DMC1: variants seen among roughly 807,000 people sequenced by gnomAD.
The protein encoded by DMC1 is DNA meiotic recombinase 1.
Under a neutral mutation model 50.1 loss-of-function variants are expected in DMC1, and 27 were observed. The observed-to-expected ratio is 0.54, with a 90% confidence interval of 0.40 to 0.74. DMC1 has a LOEUF of 0.74. DMC1 is among the 30% of genes least tolerant of loss of function. The pLI, the probability that DMC1 is intolerant of heterozygous loss-of-function variation, is 0.00. For synonymous variants in DMC1, 148 were observed against 136.1 expected, an observed-to-expected ratio of 1.09 and a Z score of -0.61; for missense variants, 295 against 420.2, an observed-to-expected ratio of 0.70 and a Z score of 2.60.
chr22:38,545,513 C>T (rs937260169), intron 8 of DMC1, among the ~76,000 whole-genome samples: 1 of 152,168 alleles, frequency 6.6e-6, no homozygotes, highest in Non-Finnish European at 1.5e-5. Flanking sequence ...AGCTCCGCCT[C>T]GCGGGTTCAC....
At chr22:38,509,893 C>T in the DMC1 span, among the ~76,000 whole-genome samples, 2 of 152,078 alleles carry the variant, frequency 1.3e-5, no homozygotes, top group South Asian at 4.1e-4. Context: ...TTTTGAACTC[C>T]TGACCTCAAG....
At chr22:38,511,819 T>C in the DMC1 span, among the ~76,000 whole-genome samples, 1 of 152,186 alleles carries the variant, frequency 6.6e-6, no homozygotes, top group Non-Finnish European at 1.5e-5. Flanking sequence ...TATTGATGTC[T>C]GGAACAAAAG....
intron 13 of DMC1, 134 bp downstream of exon 13, chr22:38,521,474 T>C (rs2090023247): frequency 1.6e-6 from 1 of 633,270 alleles, no homozygotes; most frequent in Admixed American, 2.2e-5. Context: ...GAGCCCAAGG[T>C]GGGAGGATTG....
intron 4 of DMC1, among the ~76,000 whole-genome samples, chr22:38,565,485 G>T (rs2090572017): frequency 6.6e-6 from 1 of 152,208 alleles, no homozygotes; most frequent in Non-Finnish European, 1.5e-5. Context: ...TGCATAAACT[G>T]CCCCTTAATT....
At chr22:38,563,580 G>A (rs1201572354) in intron 4 of DMC1, among the ~76,000 whole-genome samples, 1 of 152,034 alleles carries the variant, frequency 6.6e-6, no homozygotes, top group Non-Finnish European at 1.5e-5. Flanking sequence ...ACAACTGGGT[G>A]CAGTAGCTCA....
chr22:38,568,475 A>C (rs11570375), intron 1 of DMC1, 186 bp from the exon 2 acceptor site: 2 of 526,032 alleles, frequency 3.8e-6, no homozygotes, highest in African/African-American at 4.2e-5. Flanking sequence ...GTGTGTGTGC[A>C]TGTGTGTGTG....
intron 2 of DMC1, 66 bp from the exon 3 acceptor site, chr22:38,567,693 A>G: frequency 8.1e-7 from 1 of 1,241,118 alleles, no homozygotes; most frequent in South Asian, 1.2e-5. Flanking sequence ...CACATCTTTT[A>G]AAGAGGTAAT....
chr22:38,538,170 G>T, intron 11 of DMC1, 125 bp downstream of exon 11: 3 of 764,762 alleles, frequency 3.9e-6, no homozygotes, highest in South Asian at 3.2e-5. Flanking sequence ...ACAAAGAGTT[G>T]TATTCTCATA....
the DMC1 span, among the ~76,000 whole-genome samples, chr22:38,511,505 A>G: frequency 1.3e-5 from 2 of 150,938 alleles, no homozygotes; most frequent in Non-Finnish European, 1.5e-5. Flanking sequence ...TGGGAGCGTC[A>G]CTTGAGCCCA....
chr22:38,545,421 C>A lies in DMC1; in HGVS notation c.494+4504G>T, dbSNP rs1325851927. Among the ~76,000 whole-genome samples the A allele has an allele frequency of 2.0e-5, 3 of 151,866 alleles. No individual in the cohort carries two copies. The East Asian group carries it at 5.9e-4, about 30-fold the overall frequency. ...GCGAGACCCTGTCCCAAAAACAAAA[C>A]AAAACAATTTTTTTTTTTTGAGATG... On this transcript the variant is annotated intron_variant, in intron 8 of 13. Coordinates refer to ENST00000216024, the MANE Select transcript of DMC1 (RefSeq NM_007068.4).
intron 12 of DMC1, among the ~76,000 whole-genome samples, chr22:38,533,118 C>T (rs1182761543): frequency 2.6e-5 from 4 of 151,974 alleles, no homozygotes; most frequent in South Asian, 2.1e-4. Flanking sequence ...TGAGGCCAGA[C>T]GCGGTGGCTC....
rs2090031890 is a variant in DMC1, at chr22:38,521,792, A to C, written c.837-68T>G. 2 of 1,088,340 alleles carry C rather than the reference A, an allele frequency of 1.8e-6. 1 individual carries two copies. Among genetic ancestry groups the C allele is most frequent in the East Asian group, 4.8e-5 (2 of 41,822 alleles). The allele number at this position is 1,088,340 out of a possible 1,614,324, so 67.4% of individuals were successfully genotyped here. ...ATATATGGCAATATCTGCAATTACA[A>C]GGCAATCTTTCTGTGGTGGATGTCA... On this transcript the variant is annotated intron_variant, in intron 12 of 13. Coordinates refer to ENST00000216024, the MANE Select transcript of DMC1 (RefSeq NM_007068.4).
chr22:38,526,478 G>A (rs529897933), intron 12 of DMC1, among the ~76,000 whole-genome samples: 1 of 152,080 alleles, frequency 6.6e-6, no homozygotes, highest in East Asian at 1.9e-4. Flanking sequence ...AAAGTGCTGG[G>A]ATTACAGGCG....
At chr22:38,528,200 T>C (rs2090115426) in intron 12 of DMC1, among the ~76,000 whole-genome samples, 2 of 151,792 alleles carry the variant, frequency 1.3e-5, no homozygotes, top group Admixed American at 1.3e-4. Flanking sequence ...TAGCTGGGAT[T>C]ACAGGTGTGC....
At chr22:38,551,973 G>A (rs2090417596) in intron 7 of DMC1, among the ~76,000 whole-genome samples, 1 of 146,556 alleles carries the variant, frequency 6.8e-6, no homozygotes, top group Admixed American at 7.2e-5. Flanking sequence ...CCATTCTCCT[G>A]CCTCAGCCTC....
At chr22:38,569,396 A>G (rs1306241561) in intron 1 of DMC1, 1 of 152,098 alleles carries the variant, frequency 6.6e-6, no homozygotes, top group African/African-American at 2.4e-5. Flanking sequence ...GGACCCTAGA[A>G]CAAAGGGAAC....
chr22:38,512,977 G>A, the DMC1 span, among the ~76,000 whole-genome samples: 4 of 151,992 alleles, frequency 2.6e-5, no homozygotes, highest in Admixed American at 6.6e-5. Context: ...CCAGCTACTC[G>A]GGAGGCTGAG....
In DMC1 at chr22:38,519,786, A is replaced by G. The variant is rs2090003534; in HGVS notation, c.*234T>C. ...TACTATATATGTCAGGTATACACAC[A>G]CAAACACACACACACACAAACATAC... On this transcript the variant is annotated 3_prime_UTR_variant, in exon 14 of 14. Transcript: ENST00000216024. The G allele has an allele frequency of 1.7e-5, 8 of 478,196 alleles. No individual in the cohort carries two copies. The highest frequency in any genetic ancestry group is 1.6e-4 in the South Asian group (8 of 49,144). The allele number at this position is 478,196 out of a possible 1,614,324, so 29.6% of individuals were successfully genotyped here.
At chr22:38,568,088 A>G (rs1015728524) in intron 2 of DMC1, 118 bp downstream of exon 2, 26 of 898,266 alleles carry the variant, frequency 2.9e-5, no homozygotes, top group Middle Eastern at 2.1e-4. Context: ...CATATTTGCA[A>G]TATATAACTA....
Sources: allele counts gnomAD v4.1 joint callset (sites outside exome capture counted in the v4.1 genomes callset), GRCh38; gene constraint gnomAD v4.1.1; transcripts MANE v1.5; gene names NCBI Gene and HGNC (gene_info 2026-07-23, HGNC 2026-07-21).